MYZAP: variants seen among roughly 807,000 people sequenced by gnomAD.
MYZAP encodes myocardial zonula adherens protein, also known as GRINL1A complex locus upstream.
A neutral mutation model predicts 69.4 loss-of-function variants in MYZAP; 66 were observed. The observed-to-expected ratio is 0.95, with a 90% CI of 0.78 to 1.17. The LOEUF (loss-of-function observed/expected upper bound fraction) is 1.17, where lower values mean the gene tolerates loss of function less well. MYZAP is among the 50% of genes most tolerant of loss of function. The pLI is 0.00. For synonymous variants in MYZAP, 256 were observed against 205.9 expected, an observed-to-expected ratio of 1.24 and a Z score of -2.09; for missense variants, 611 against 556.2, an observed-to-expected ratio of 1.10 and a Z score of -0.99.
At chr15:57,618,900 A>T (rs1443161136) in intron 3 of MYZAP, among the ~76,000 whole-genome samples, 8 of 152,138 alleles carry the variant, frequency 5.3e-5, no homozygotes, top group Non-Finnish European at 1.0e-4. Context: ...TCTGACACTG[A>T]TGGGCTCACA....
intron 8 of MYZAP, among the ~76,000 whole-genome samples, chr15:57,635,790 T>C (rs2036783558): frequency 6.6e-6 from 1 of 152,238 alleles, no homozygotes; most frequent in Non-Finnish European, 1.5e-5. Flanking sequence ...CGTATCCTGC[T>C]CTCAGTTTTG....
chr15:57,677,485 T>C (rs2039200510), intron 12 of MYZAP, among the ~76,000 whole-genome samples: 1 of 152,152 alleles, frequency 6.6e-6, no homozygotes, highest in African/African-American at 2.4e-5. Context: ...AGTTTGAAAA[T>C]ATGTAATAAA....
At chr15:57,650,639 G>A (rs1420584134) in intron 10 of MYZAP, among the ~76,000 whole-genome samples, 1 of 152,150 alleles carries the variant, frequency 6.6e-6, no homozygotes, top group African/African-American at 2.4e-5. Context: ...TCCTCAAGTG[G>A]TAGTTATGAG....
chr15:57,630,973 C>T (rs936944660), intron 6 of MYZAP, among the ~76,000 whole-genome samples: 8 of 152,132 alleles, frequency 5.3e-5, no homozygotes, highest in African/African-American at 1.2e-4. Context: ...GCCGGTCCAC[C>T]GCCCGGTCTC....
intron 10 of MYZAP, among the ~76,000 whole-genome samples, chr15:57,653,796 G>A (rs2037845278): frequency 6.6e-6 from 1 of 151,800 alleles, no homozygotes; most frequent in Admixed American, 6.6e-5. Context: ...CTTGAGGCTG[G>A]GGGTTTGAAA....
chr15:57,647,816 C>T, intron 10 of MYZAP: 1 of 985,404 alleles, frequency 1.0e-6, no homozygotes, highest in Non-Finnish European at 1.2e-6. Flanking sequence ...CTACCTCAGC[C>T]TGCTCTTGTC....
intron 10 of MYZAP, among the ~76,000 whole-genome samples, chr15:57,658,137 A>G (rs1462431750): frequency 6.6e-6 from 1 of 152,216 alleles, no homozygotes; most frequent in South Asian, 2.1e-4. Flanking sequence ...CACACAGAAC[A>G]GAGAGAGTAA....
chr15:57,673,449 CGCATGCGTGCAT>C (rs1227263782), intron 11 of MYZAP, among the ~76,000 whole-genome samples: 1 of 143,616 alleles, frequency 7.0e-6, no homozygotes, highest in African/African-American at 2.6e-5. Flanking sequence ...TGCACGTGTG[CGCATGCGTGCAT>C]GCGTGTGTGT....
At chr15:57,604,219 C>G in intron 1 of MYZAP, 50 bp from the exon 2 acceptor site, 2 of 1,596,978 alleles carry the variant, frequency 1.3e-6, no homozygotes, top group Non-Finnish European at 1.7e-6. Flanking sequence ...CTGGCTCTTT[C>G]TGCCCCAAAT....
chr15:57,677,556 T>G (rs1441179924), intron 12 of MYZAP, among the ~76,000 whole-genome samples: 1 of 152,248 alleles, frequency 6.6e-6, no homozygotes, highest in East Asian at 1.9e-4. Flanking sequence ...ATACTTGGAC[T>G]TCAAATTTGC....
chr15:57,656,882 T>A (rs969004584), intron 10 of MYZAP, among the ~76,000 whole-genome samples: 2 of 152,204 alleles, frequency 1.3e-5, no homozygotes, highest in African/African-American at 4.8e-5. Flanking sequence ...CTGAAAACCA[T>A]GAGCCTTGTT....
chr15:57,681,238 G>A (rs1394731871), intron 12 of MYZAP, among the ~76,000 whole-genome samples: 1 of 152,096 alleles, frequency 6.6e-6, no homozygotes, highest in Non-Finnish European at 1.5e-5. Flanking sequence ...TAAACTGCCT[G>A]GTCAGGTCAG....
rs535990928 is a variant in MYZAP at position 57,651,938 on chromosome 15, G to C, written c.1120-9512G>C. Among the ~76,000 whole-genome samples the C allele has an allele frequency of 2.0e-5, 3 of 152,276 alleles. No individual in the cohort carries two copies. In the East Asian group the frequency reaches 5.8e-4, roughly 29 times the overall value. On this transcript the variant is annotated intron_variant, in intron 10 of 12. Transcript: ENST00000267853. ...GTTGGGTTATCTTTAATATAAGATA[G>C]AAATCAAACCAAATTACATTATTTT... is the stretch of plus-strand genomic sequence containing the variant.
intron 9 of MYZAP, 21 bp downstream of exon 9, chr15:57,637,795 T>G (rs1199248180): frequency 1.3e-6 from 2 of 1,594,980 alleles, no homozygotes; most frequent in African/African-American, 1.3e-5. Context: ...ATGCCTTTCG[T>G]CTTGTAATGG....
chr15:57,683,631 T>A (rs2039547169), intron 12 of MYZAP, among the ~76,000 whole-genome samples: 1 of 152,202 alleles, frequency 6.6e-6, no homozygotes, highest in Non-Finnish European at 1.5e-5. Flanking sequence ...AGTTAGCTTA[T>A]AAACAACAGA....
Position 57,592,101 on chromosome 15 carries a change from A to C in MYZAP, c.67A>C (p.Ser23Arg). ...GGAARTPGAP[S>R]RRANVCRLRL... is the part of the protein sequence containing the mutation. ...CGCCGCCAGGACGCCCGGGGCGCCC[A>C]GCAGGAGGGTGAGTAGCGGGGGCGG... The change falls in exon 1 of 13, where the codon AGC (serine) becomes CGC (arginine). Residue 23 changes from serine to arginine, a missense_variant. Transcript: ENST00000267853. 1.5e-6 allele frequency: 2 copies of C among 1,360,048 alleles called. No homozygotes were observed. The highest frequency in any genetic ancestry group is 1.9e-6 in the Non-Finnish European group (2 of 1,061,028). 84.2% of individuals were successfully genotyped at this position (1,360,048 alleles called of 1,614,324 possible). A position where few individuals can be genotyped will look rare whatever the true frequency, so the allele number is the denominator to read the frequency against.
intron 5 of MYZAP, among the ~76,000 whole-genome samples, chr15:57,626,200 G>A (rs2733618): frequency 0.98 from 149,256 of 152,300 alleles, 73,224 homozygotes; most frequent in East Asian, 1. Flanking sequence ...AACCCCACAC[G>A]TCAGCCCTCT....
At chr15:57,680,479 A>G (rs2039372978) in intron 12 of MYZAP, among the ~76,000 whole-genome samples, 1 of 129,290 alleles carries the variant, frequency 7.7e-6, no homozygotes, top group African/African-American at 2.9e-5. Flanking sequence ...CTGTGGGTTC[A>G]GGAGTTCACA....
intron 10 of MYZAP, among the ~76,000 whole-genome samples, chr15:57,644,688 A>G (rs186001617): frequency 7.2e-5 from 11 of 152,070 alleles, no homozygotes; most frequent in Admixed American, 4.6e-4. Flanking sequence ...TGGTCTTCCA[A>G]CTCCTGGCCT....
Sources: gnomAD v4.1 joint callset for allele counts (sites outside exome capture counted in the v4.1 genomes callset) on GRCh38, gnomAD v4.1.1 for gene constraint, MANE v1.5 for transcripts, NCBI Gene and HGNC (gene_info 2026-07-23, HGNC 2026-07-21) for gene names.